The following SEMA3D variants were observed in gnomAD, a reference collection of about 807,000 sequenced individuals.
SEMA3D encodes the protein semaphorin 3D.
Under a neutral mutation model 100.1 loss-of-function variants are expected in SEMA3D, and 84 were observed. The observed-to-expected ratio is 0.84, with a 90% CI of 0.70 to 1.01. The LOEUF is 1.01. Ranked by LOEUF, SEMA3D falls within the 50% of genes least tolerant of loss-of-function variation. SEMA3D has a pLI of 0.00. For missense variants in SEMA3D, 875 were observed against 934.1 expected, an observed-to-expected ratio of 0.94 and a Z score of 0.82; for synonymous variants, 312 against 320.7, an observed-to-expected ratio of 0.97 and a Z score of 0.29.
intron 3 of SEMA3D, among the ~76,000 whole-genome samples, chr7:85,103,902 A>G (rs1788824530): frequency 6.6e-6 from 1 of 152,004 alleles, no homozygotes; most frequent in Non-Finnish European, 1.5e-5. Flanking sequence ...GTAAACCACC[A>G]TGGGACAATG....
the SEMA3D span, among the ~76,000 whole-genome samples, chr7:85,198,901 C>T: frequency 2.8e-5 from 4 of 143,848 alleles, no homozygotes; most frequent in Non-Finnish European, 6.1e-5. Flanking sequence ...CAATCCTATT[C>T]CTTCTTTTAT....
At chr7:85,249,876 G>A in the SEMA3D span, among the ~76,000 whole-genome samples, 17 of 152,154 alleles carry the variant, frequency 1.1e-4, no homozygotes, top group African/African-American at 3.6e-4. Context: ...CAAGATGGCC[G>A]AATAGGAACA....
At chr7:85,204,894 T>C in the SEMA3D span, among the ~76,000 whole-genome samples, 1 of 152,126 alleles carries the variant, frequency 6.6e-6, no homozygotes, top group Non-Finnish European at 1.5e-5. Context: ...AACTCAGATA[T>C]ATTTCAAATA....
rs1584513945 is a variant in SEMA3D at position 84,999,466 on chromosome 7, C to T, written c.2308G>A (p.Glu770Lys). Reference sequence around the variant, plus strand: ...TACGTGGCTACAGCTCTAGGGAGCTCATCCAGGTCTCTGTGATGTCTTCGA... The same window carrying T: ...TACGTGGCTACAGCTCTAGGGAGCTTATCCAGGTCTCTGTGATGTCTTCGA... ...RNRRHHRDLDELPRAVAT is the reference protein window; with the variant it reads ...RNRRHHRDLDKLPRAVAT The change falls in exon 19 of 19, where the codon GAG becomes AAG. Residue 770 changes from glutamate to lysine, a missense_variant. Transcript: ENST00000284136. 2 of 1,614,042 alleles carry T rather than the reference C, an allele frequency of 1.2e-6. No individual in the cohort carries two copies. The highest frequency in any genetic ancestry group is 2.2e-5 in the East Asian group (1 of 44,866).
intron 6 of SEMA3D, among the ~76,000 whole-genome samples, chr7:85,072,293 A>C (rs1205521298): frequency 1.3e-5 from 2 of 152,214 alleles, no homozygotes; most frequent in Non-Finnish European, 2.9e-5. Flanking sequence ...AATTTGGTCC[A>C]GCTGAAACAA....
chr7:85,073,185 AGC>A, intron 5 of SEMA3D, 104 bp from the exon 6 acceptor site: 1 of 1,019,610 alleles, frequency 9.8e-7, no homozygotes, highest in Admixed American at 2.3e-5. Flanking sequence ...CAAAAATAAG[AGC>A]ACAAATGAAA....
chr7:85,050,962 T>A (rs1429604547), intron 9 of SEMA3D, among the ~76,000 whole-genome samples: 1 of 151,908 alleles, frequency 6.6e-6, no homozygotes, highest in Non-Finnish European at 1.5e-5. Context: ...TGCACATGCA[T>A]GTGTGCATAT....
intron 14 of SEMA3D, 24 bp from the exon 15 acceptor site, chr7:85,018,317 A>G (rs879103966): frequency 6.7e-7 from 1 of 1,481,732 alleles, no homozygotes. Context: ...TTAAATGTCA[A>G]TAAAGATAAT....
rs140531978 is a variant in SEMA3D at position 85,142,042 on chromosome 7, T to C, written c.-41+11566A>G. The C allele has an allele frequency of 1.9e-4, 190 of 981,820 alleles. 1 individual carries two copies. In the African/African-American group the frequency reaches 3.1e-3, roughly 16 times the overall value. 60.8% of individuals were successfully genotyped at this position (981,820 alleles called of 1,614,324 possible). ...ATTTAATAGCCAGCAAAATAGAAGGTAAGAGAAAAAAAAAAACCAAGTTTC... is the reference window on the plus strand; with the variant it reads ...ATTTAATAGCCAGCAAAATAGAAGGCAAGAGAAAAAAAAAAACCAAGTTTC... On this transcript the variant is annotated intron_variant, in intron 2 of 18. Transcript: ENST00000284136.
chr7:85,148,019 A>G (rs1790264635), intron 2 of SEMA3D, among the ~76,000 whole-genome samples: 1 of 152,178 alleles, frequency 6.6e-6, no homozygotes, highest in African/African-American at 2.4e-5. Flanking sequence ...ACCAATGAAC[A>G]AAAGTTAATC....
At chr7:85,086,071 A>C (rs924287363) in intron 4 of SEMA3D, among the ~76,000 whole-genome samples, 10 of 152,202 alleles carry the variant, frequency 6.6e-5, no homozygotes. Context: ...TTCTTAAAGT[A>C]AAATTAAAAC....
intron 1 of SEMA3D, among the ~76,000 whole-genome samples, chr7:85,173,776 A>C (rs1230719754): frequency 6.6e-6 from 1 of 152,178 alleles, no homozygotes; most frequent in Non-Finnish European, 1.5e-5. Context: ...AAAATGGGAC[A>C]CTGAGATGTA....
Position 84,999,876 on chromosome 7 carries a change from G to T in SEMA3D, c.1909-11C>A. On this transcript the variant is annotated splice_polypyrimidine_tract_variant and intron_variant, in intron 18 of 18. Transcript: ENST00000284136. Reference sequence around the variant, plus strand: ...TTCATCGGGCTTCAACTGCAGAATTGGAAAAATGTAGGTAATAAATTAAAC... The same window carrying T: ...TTCATCGGGCTTCAACTGCAGAATTTGAAAAATGTAGGTAATAAATTAAAC... 6.2e-7 allele frequency: 1 copy of T among 1,606,748 alleles called. No homozygotes were observed. The highest frequency in any genetic ancestry group is 1.3e-5 in the African/African-American group (1 of 74,650).
chr7:85,122,404 T>C (rs921031937), intron 2 of SEMA3D, among the ~76,000 whole-genome samples: 2 of 152,208 alleles, frequency 1.3e-5, no homozygotes, highest in Admixed American at 6.6e-5. Flanking sequence ...TTTGCTCAGA[T>C]GTAGAAATAA....
the SEMA3D span, among the ~76,000 whole-genome samples, chr7:85,241,483 A>ATATATATATATATATATATATATATATC: frequency 7.2e-6 from 1 of 138,286 alleles, no homozygotes; most frequent in Non-Finnish European, 1.5e-5. Context: ...ATATATATAT[A>ATATATATATATATATATATATATATATC]TATATATATG....
chr7:85,173,330 A>G (rs1357123866), intron 1 of SEMA3D, among the ~76,000 whole-genome samples: 2 of 152,230 alleles, frequency 1.3e-5, no homozygotes, highest in Non-Finnish European at 2.9e-5. Context: ...CTTGCTGATC[A>G]GCTTCTATAA....
intron 1 of SEMA3D, among the ~76,000 whole-genome samples, chr7:85,160,950 A>G (rs1002008981): frequency 1.3e-5 from 2 of 152,176 alleles, no homozygotes; most frequent in Non-Finnish European, 2.9e-5. Flanking sequence ...CCCTAAAATT[A>G]GGAAGTGAAG....
At position 85,172,786 on chromosome 7, in the gene SEMA3D, C is replaced by T. The variant is rs180814640; in HGVS notation, c.-173+13892G>A. 3.9e-5 allele frequency among the ~76,000 whole-genome samples: 6 copies of T among 152,134 alleles called. No homozygotes were observed. In the East Asian group the frequency reaches 7.8e-4, roughly 20 times the overall value. On this transcript the variant is annotated intron_variant, in intron 1 of 18. Coordinates refer to ENST00000284136, the MANE Select transcript of SEMA3D (RefSeq NM_001384900.1). ...TGAGCACTGGTGTGTGGTCTACAAACGATCCCGTCTCTGGGCATGAGACTG... is the reference window on the plus strand; with the variant it reads ...TGAGCACTGGTGTGTGGTCTACAAATGATCCCGTCTCTGGGCATGAGACTG...
At position 85,020,312 on chromosome 7, in the gene SEMA3D, G is replaced by A. The variant is rs747179065; in HGVS notation, c.1424C>T (p.Thr475Ile). Residue 475 changes from threonine to isoleucine, a missense_variant, in exon 14 of 19, where the codon ACT becomes ATT. Physicochemically the swap from Thr to Ile is moderately conservative, Grantham distance 89 (BLOSUM62 -1). Coordinates refer to ENST00000284136, the MANE Select transcript of SEMA3D (RefSeq NM_001384900.1). ...TGAAATGCTGACAACTTTGAGGACAGTTCCAATGTCTGAAAAAATGCATAA... is the reference window on the plus strand; with the variant it reads ...TGAAATGCTGACAACTTTGAGGACAATTCCAATGTCTGAAAAAATGCATAA... Reference protein sequence around the residue: ...DVMFLGTDIGTVLKVVSISKE... With the variant: ...DVMFLGTDIGIVLKVVSISKE... 6.2e-7 allele frequency: 1 copy of A among 1,608,404 alleles called. No individual in the cohort carries two copies. Among genetic ancestry groups the A allele is most frequent in the Non-Finnish European group, 8.5e-7 (1 of 1,176,220 alleles).
Sources: allele counts gnomAD v4.1 joint callset (sites outside exome capture counted in the v4.1 genomes callset), GRCh38; gene constraint gnomAD v4.1.1; transcripts MANE v1.5; gene names NCBI Gene and HGNC (gene_info 2026-07-23, HGNC 2026-07-21).